The following TEX11 variants were observed in gnomAD, a reference collection of about 807,000 sequenced individuals.
TEX11 encodes the protein testis-expressed protein 11.
Under a neutral mutation model 84.4 loss-of-function variants are expected in TEX11, and 7 were observed. The ratio of observed to expected loss-of-function variants is 0.08; its 90% confidence interval spans 0.05 to 0.16. The LOEUF is 0.16. Ranked by LOEUF, TEX11 falls within the 10% of genes least tolerant of loss-of-function variation. TEX11 has a pLI of 1.00. For missense variants in TEX11, 551 were observed against 660.5 expected (o/e 0.83, Z 1.82); for synonymous variants, 264 against 222.8 (o/e 1.18, Z -1.64).
At chrX:70,781,134 C>T (rs1569439150) in intron 9 of TEX11, among the ~76,000 whole-genome samples, 1 of 112,054 alleles carries the variant, frequency 8.9e-6, no homozygotes, top group Non-Finnish European at 1.9e-5. Context: ...GCAATATTTG[C>T]TATTCTGCAG....
intron 8 of TEX11, among the ~76,000 whole-genome samples, chrX:70,825,408 C>T (rs2091340099): frequency 9.2e-6 from 1 of 109,244 alleles, no homozygotes; most frequent in Admixed American, 9.9e-5. Flanking sequence ...TTGAAAATCT[C>T]AACATACATA....
downstream of TEX11, among the ~76,000 whole-genome samples, chrX:70,528,067 A>G (rs1412003156): frequency 1.8e-5 from 2 of 111,834 alleles, no homozygotes; most frequent in African/African-American, 6.5e-5. Flanking sequence ...GGCTTTTGGA[A>G]GGTGAGGTGA....
At chrX:70,783,000 C>A (rs923918208) in intron 9 of TEX11, among the ~76,000 whole-genome samples, 2 of 111,361 alleles carry the variant, frequency 1.8e-5, no homozygotes, top group African/African-American at 6.5e-5. Flanking sequence ...ACCTACAGAA[C>A]TCTCCACCCC....
the TEX11 span, among the ~76,000 whole-genome samples, chrX:70,520,083 G>A: frequency 5.4e-5 from 6 of 111,901 alleles, no homozygotes; most frequent in Admixed American, 4.8e-4. Flanking sequence ...GCTTGGAGAA[G>A]TTTGTTGTTA....
At chrX:70,837,883 A>C (rs2091414726) in intron 7 of TEX11, among the ~76,000 whole-genome samples, 1 of 111,629 alleles carries the variant, frequency 9.0e-6, no homozygotes, top group Non-Finnish European at 1.9e-5. Context: ...ATGTGCTGAA[A>C]TTGTATAGAG....
At chrX:70,702,411 T>A (rs987209327) in intron 13 of TEX11, among the ~76,000 whole-genome samples, 2 of 112,097 alleles carry the variant, frequency 1.8e-5, no homozygotes, top group African/African-American at 6.5e-5. Flanking sequence ...CATTTGGTTT[T>A]TAAGACATTA....
chrX:70,722,634 G>T lies in TEX11; in HGVS notation c.988C>A (p.Leu330Met). 8.3e-7 allele frequency: 1 copy of T among 1,204,428 alleles called. No homozygotes were observed. The highest frequency in any genetic ancestry group is 1.1e-6 in the Non-Finnish European group (1 of 889,637). ...ATTCTGTACCTTTCATGATCCATCA[G>T]CAGTTTAGCAATGTTCAGACAGAAG... is the stretch of plus-strand genomic sequence containing the variant. ...LDFCLNIAKL[L>M]MDHERESVGF... The change falls in exon 13 of 30, where the codon CTG becomes ATG. Residue 330 changes from leucine (L) to methionine (M), a missense_variant. Physicochemically the swap from Leu to Met is conservative, Grantham distance 15. Coordinates refer to ENST00000374333, the MANE Select transcript of TEX11 (RefSeq NM_031276.3).
intron 9 of TEX11, among the ~76,000 whole-genome samples, chrX:70,792,318 ATATATATATATATATATATATAT>A (rs1569442832): frequency 4.3e-4 from 2 of 4,668 alleles, no homozygotes; most frequent in African/African-American, 1.1e-3. Context: ...AAAAAAAAAT[ATATATATATATATATATATATAT>A]ATATATATAT....
At position 70,724,557 on chromosome X, in the gene TEX11, A is replaced by C. The variant is rs1342753196; in HGVS notation, c.925+705T>G. ...GTACAACATTAAAAGAATTAGAGTA[A>C]ATAATTTTTATGACTAAACAAAACT... On this transcript the variant is annotated intron_variant, in intron 12 of 29. Coordinates refer to ENST00000374333, the MANE Select transcript of TEX11 (RefSeq NM_031276.3). 2.7e-5 allele frequency among the ~76,000 whole-genome samples: 3 copies of C among 111,671 alleles called. No homozygotes were observed. In the Admixed American group the frequency reaches 2.9e-4, roughly 11 times the overall value.
At chrX:70,726,119 C>A (rs1401725978) in intron 11 of TEX11, among the ~76,000 whole-genome samples, 1 of 112,424 alleles carries the variant, frequency 8.9e-6, no homozygotes, top group Non-Finnish European at 1.9e-5. Flanking sequence ...TATTGCATTA[C>A]CATCTTTCCT....
chrX:70,878,242 G>A lies in TEX11; in HGVS notation c.159+1746C>T, dbSNP rs1207796570. 9.3e-5 allele frequency among the ~76,000 whole-genome samples: 9 copies of A among 96,416 alleles called. No homozygotes were observed. The Admixed American group carries it at 1.1e-3, about 12-fold the overall frequency. 83.7% of individuals were successfully genotyped at this position (96,416 alleles called of 115,157 possible). A position where few individuals can be genotyped will look rare whatever the true frequency, so the allele number is the denominator to read the frequency against. ...GGCTGGAGTGCAGTGGTGCAATCTC[G>A]GCTCACTGCAAGCTCCGCCTTCTGG... On this transcript the variant is annotated intron_variant, in intron 3 of 29. Transcript: ENST00000374333.
the TEX11 span, among the ~76,000 whole-genome samples, chrX:70,511,752 CAAAAAAAAA>C: frequency 1.5e-4 from 5 of 32,747 alleles, 1 homozygote; most frequent in Non-Finnish European, 2.3e-4. Context: ...GACTCCATCT[CAAAAAAAAA>C]AAAAAAAAAA....
intron 24 of TEX11, among the ~76,000 whole-genome samples, chrX:70,600,824 A>T (rs1281123844): frequency 2.0e-5 from 1 of 51,011 alleles, no homozygotes; most frequent in Non-Finnish European, 3.7e-5. Context: ...ACCAACGAGA[A>T]CAAAGACACA....
intron 15 of TEX11, among the ~76,000 whole-genome samples, chrX:70,676,158 T>C (rs1286189823): frequency 1.8e-5 from 2 of 112,370 alleles, no homozygotes; most frequent in Non-Finnish European, 3.7e-5. Context: ...GGAACTTGGG[T>C]TGCTTCCACC....
chrX:70,878,152 G>A (rs1381218680), intron 3 of TEX11, among the ~76,000 whole-genome samples: 1 of 106,619 alleles, frequency 9.4e-6, no homozygotes, highest in African/African-American at 3.4e-5. Context: ...TGGAAAAACT[G>A]GATCCCTCTA....
the TEX11 span, among the ~76,000 whole-genome samples, chrX:70,520,933 C>T: frequency 8.0e-5 from 9 of 112,299 alleles, no homozygotes; most frequent in African/African-American, 2.6e-4. Flanking sequence ...GGGCATGGGA[C>T]CTGCCGAGCC....
chrX:70,743,997 T>C (rs954587317), intron 10 of TEX11, among the ~76,000 whole-genome samples, 168 bp downstream of exon 10: 2 of 110,221 alleles, frequency 1.8e-5, no homozygotes, highest in Non-Finnish European at 3.8e-5. Context: ...GCCTATGAGT[T>C]AGATTATATT....
intron 4 of TEX11, among the ~76,000 whole-genome samples, chrX:70,865,890 AG>A (rs1411105130): frequency 8.9e-6 from 1 of 112,096 alleles, no homozygotes; most frequent in Non-Finnish European, 1.9e-5. Flanking sequence ...CAGCTAAAGC[AG>A]TGTTAAGTGG....
At chrX:70,594,258 A>G (rs1456284963) in intron 24 of TEX11, among the ~76,000 whole-genome samples, 1 of 111,345 alleles carries the variant, frequency 9.0e-6, no homozygotes, top group Non-Finnish European at 1.9e-5. Flanking sequence ...ATAATCTAAT[A>G]CCTAGCAAAA....
Sources: gnomAD v4.1 joint callset for allele counts (sites outside exome capture counted in the v4.1 genomes callset) on GRCh38, gnomAD v4.1.1 for gene constraint, MANE v1.5 for transcripts, NCBI Gene and HGNC (gene_info 2026-07-23, HGNC 2026-07-21) for gene names.